The following DCTN2 variants were observed in gnomAD, a reference collection of about 807,000 sequenced individuals.
DCTN2 encodes the protein dynactin subunit 2, also known as 50 kDa dynein-associated polypeptide.
DCTN2 carries 18 observed loss-of-function variants against 55.4 expected under a neutral mutation model. The ratio of observed to expected loss-of-function variants is 0.32; its 90% confidence interval spans 0.22 to 0.48. The LOEUF is 0.48. Ranked by LOEUF, DCTN2 falls within the 20% of genes least tolerant of loss-of-function variation. DCTN2 has a pLI of 0.99. For synonymous variants in DCTN2, 168 were observed against 185.2 expected, an observed-to-expected ratio of 0.91 and a Z score of 0.76; for missense variants, 390 against 491.0, an observed-to-expected ratio of 0.79 and a Z score of 1.94.
Position 57,530,692 on chromosome 12 carries a change from C to CT in DCTN2, c.1202dup (p.Ter402ValfsTer30). On this transcript the variant is annotated frameshift_variant, in exon 14 of 14. Coordinates refer to ENST00000548249, the MANE Select transcript of DCTN2 (RefSeq NM_001261413.2). LOFTEE classifies it high-confidence loss of function. ...GTTCTCCAGCTCCCAAATGTGCTCA[C>CT]TTTCCCAGCTTCTTCATCCGTTCAT... 2 of 1,613,744 alleles carry CT rather than the reference C, an allele frequency of 1.2e-6. No individual in the cohort carries two copies. The highest frequency in any genetic ancestry group is 1.7e-6 in the Non-Finnish European group (2 of 1,179,706).
At chr12:57,530,802 CTT>C in intron 13 of DCTN2, 27 bp from the exon 14 acceptor site, 4 of 1,583,060 alleles carry the variant, frequency 2.5e-6, no homozygotes, top group Non-Finnish European at 3.5e-6. Flanking sequence ...AGGTTTTACT[CTT>C]TGTCAGGTCC....
chr12:57,544,232 C>A, intron 2 of DCTN2: 2 of 383,890 alleles, frequency 5.2e-6, no homozygotes, highest in African/African-American at 2.1e-5. Flanking sequence ...CCCTTGATAC[C>A]AAAATCTGCA....
intron 2 of DCTN2, among the ~76,000 whole-genome samples, chr12:57,545,560 G>A (rs1406472492): frequency 6.6e-6 from 1 of 152,134 alleles, no homozygotes; most frequent in African/African-American, 2.4e-5. Context: ...CCTCAAATTT[G>A]TTTTGCTCTA....
intron 13 of DCTN2, 59 bp from the exon 14 acceptor site, chr12:57,530,834 G>T: frequency 7.4e-7 from 1 of 1,358,144 alleles, no homozygotes; most frequent in Non-Finnish European, 1.0e-6. Context: ...ACTGGATGAG[G>T]ACCTGAAGGA....
At chr12:57,538,459 A>C in intron 2 of DCTN2, 1 of 750,816 alleles carries the variant, frequency 1.3e-6, no homozygotes, top group Non-Finnish European at 2.4e-6. Context: ...AAGGACAGAG[A>C]AACAACTGCT....
intron 13 of DCTN2, among the ~76,000 whole-genome samples, chr12:57,531,261 C>T (rs893176191): frequency 3.3e-5 from 5 of 152,088 alleles, no homozygotes; most frequent in African/African-American, 1.2e-4. Flanking sequence ...GTGGCTCACG[C>T]CTGTAATCTC....
In DCTN2 at chr12:57,535,073, C is replaced by T; in HGVS notation, c.346G>A (p.Glu116Lys). Residue 116 changes from glutamate to lysine, a missense_variant, in exon 5 of 14, where the codon GAA (glutamate) becomes AAA (lysine). By Grantham distance (56) the Glu-to-Lys change is moderately conservative (BLOSUM62 1). Around this residue, in one of 2 missense-constraint regions of DCTN2, gnomAD observed 117 missense variants for 187.8 expected, o/e 0.62. Transcript: ENST00000548249. Reference protein sequence around the residue: ...LLHEVQELTTEVEKIKTTVKE... With the variant: ...LLHEVQELTTKVEKIKTTVKE... ...GTAGTTACCTTGATTTTTTCAACTT[C>T]AGTTGTCAGCTCTTGGACCTCATGC... 1 of 1,613,510 alleles carries T rather than the reference C, an allele frequency of 6.2e-7. No homozygotes were observed. Among genetic ancestry groups the T allele is most frequent in the Non-Finnish European group, 8.5e-7 (1 of 1,179,756 alleles).
intron 2 of DCTN2, 54 bp from the exon 3 acceptor site, chr12:57,535,899 T>TA: frequency 7.2e-7 from 1 of 1,383,580 alleles, no homozygotes; most frequent in Non-Finnish European, 1.0e-6. Flanking sequence ...CTCTAGAACT[T>TA]ACTCTACCCC....
intron 4 of DCTN2, 88 bp from the exon 5 acceptor site, chr12:57,535,242 G>T: frequency 1.8e-6 from 2 of 1,141,478 alleles, no homozygotes; most frequent in Non-Finnish European, 2.5e-6. Flanking sequence ...AAGTCATAAA[G>T]GTATCATATC....
chr12:57,535,610 G>T, intron 3 of DCTN2, 65 bp from the exon 4 acceptor site: 1 of 1,573,874 alleles, frequency 6.4e-7, no homozygotes, highest in South Asian at 1.1e-5. Context: ...GGTCTCAGGT[G>T]ACTGTGAGGG....
intron 2 of DCTN2, chr12:57,543,208 G>T (rs1048094702): frequency 2.8e-6 from 1 of 363,428 alleles, no homozygotes; most frequent in Non-Finnish European, 5.4e-6. Context: ...AATTAGCCGG[G>T]TGTGGTGGTG....
chr12:57,530,657 GATAAC>G lies in DCTN2; in HGVS notation c.*27_*31del, dbSNP rs762400375. 14 of 1,564,942 alleles carry G rather than the reference GATAAC, an allele frequency of 8.9e-6. No homozygotes were observed. The East Asian group carries it at 3.1e-4, about 35-fold the overall frequency. ...TGTTAACAGAGTTCACAGGGGTAGG[GATAAC>G]CCCTGTTCTCCAGCTCCCAAATGTG... is the stretch of plus-strand genomic sequence containing the variant. On this transcript the variant is annotated 3_prime_UTR_variant, in exon 14 of 14. Transcript: ENST00000548249.
intron 10 of DCTN2, 44 bp downstream of exon 10, chr12:57,532,689 G>C (rs703837): frequency 2.5e-6 from 4 of 1,613,534 alleles, no homozygotes; most frequent in Non-Finnish European, 3.4e-6. Flanking sequence ...AGGGCTTCCA[G>C]AGTCCCAAGC....
At position 57,532,557 on chromosome 12, in the gene DCTN2, A is replaced by G; in HGVS notation, c.924+15T>C. On this transcript the variant is annotated intron_variant, in intron 11 of 13. Coordinates refer to ENST00000548249, the MANE Select transcript of DCTN2 (RefSeq NM_001261413.2). ...TGAGGGAGTGGAAAGGAGATGGGGA[A>G]GGTGTCTTCCTGACCTTGCTTTGTG... The G allele has an allele frequency of 6.2e-7, 1 of 1,613,640 alleles. No individual in the cohort carries two copies. Among genetic ancestry groups the G allele is most frequent in the Non-Finnish European group, 8.5e-7 (1 of 1,179,590 alleles).
At chr12:57,531,600 G>A (rs1294576768) in intron 13 of DCTN2, among the ~76,000 whole-genome samples, 1 of 152,192 alleles carries the variant, frequency 6.6e-6, no homozygotes, top group Non-Finnish European at 1.5e-5. Flanking sequence ...GAGGCTCATT[G>A]TCCAGGGCCA....
At position 57,535,734 on chromosome 12, in the gene DCTN2, C is replaced by T. The variant is rs1348395207; in HGVS notation, c.202+15G>A. On this transcript the variant is annotated intron_variant, in intron 3 of 13. Coordinates refer to ENST00000548249, the MANE Select transcript of DCTN2 (RefSeq NM_001261413.2). ...CTCCAGTCTTCCCCCCACCCAGCTT[C>T]CAGCCCAGTCTCACCAAGTCCCTTT... 2 of 1,609,190 alleles carry T rather than the reference C, an allele frequency of 1.2e-6. No homozygotes were observed. Among genetic ancestry groups the T allele is most frequent in the Non-Finnish European group, 8.5e-7 (1 of 1,175,656 alleles).
intron 1 of DCTN2, among the ~76,000 whole-genome samples, chr12:57,546,300 C>T (rs938402412): frequency 6.6e-6 from 1 of 152,180 alleles, no homozygotes; most frequent in African/African-American, 2.4e-5. Context: ...CAATTGGGAC[C>T]TGACAGTAAA....
chr12:57,547,158 G>A lies in DCTN2; in HGVS notation c.-95C>T. On this transcript the variant is annotated 5_prime_UTR_variant, in exon 1 of 14. Transcript: ENST00000548249. ...GGCTGGGTTCGGGTCCCGGGCTAAG[G>A]CGGCGGCAAAGGGAGCGGCAGATGA... 3 of 1,098,058 alleles carry A rather than the reference G, an allele frequency of 2.7e-6. No individual in the cohort carries two copies. Among genetic ancestry groups the A allele is most frequent in the Non-Finnish European group, 3.5e-6 (3 of 853,982 alleles). The allele number at this position is 1,098,058 out of a possible 1,614,324, so 68.0% of individuals were successfully genotyped here.
rs1445212558 is a variant in DCTN2, at chr12:57,532,641, A to G, written c.855T>C (p.Ser285=). The part of the protein sequence containing the change: ...VLDQVEARLQ[S]VLGKVNEIAK... ...CAATCTCGTTCACCTTTCCCAGGAC[A>G]CTCTGAAAACACAGATTTTAAGGTT... Residue 285 remains serine, a splice_region_variant and synonymous_variant, in exon 11 of 14, where the codon AGT becomes AGC. Coordinates refer to ENST00000548249, the MANE Select transcript of DCTN2 (RefSeq NM_001261413.2). 3 of 1,613,778 alleles carry G rather than the reference A, an allele frequency of 1.9e-6. No individual in the cohort carries two copies. The highest frequency in any genetic ancestry group is 4.5e-5 in the East Asian group (2 of 44,882).
Sources: gnomAD v4.1 joint callset for allele counts (sites outside exome capture counted in the v4.1 genomes callset) on GRCh38, gnomAD v4.1.1 for gene constraint, gnomAD v4.1.1 regional missense constraint, MANE v1.5 for transcripts, NCBI Gene and HGNC (gene_info 2026-07-23, HGNC 2026-07-21) for gene names.